Variants in BMAL2 observed in about 807,000 individuals in gnomAD.
The protein encoded by BMAL2 is basic helix-loop-helix ARNT like 2, also known as basic helix-loop-helix ARNT-like protein 2.
the BMAL2 span, chr12:27,390,013 T>C: frequency 5.3e-6 from 8 of 1,510,698 alleles, no homozygotes; most frequent in African/African-American, 1.1e-4. Flanking sequence ...TAATAGATGG[T>C]CAGAAAATGT....
chr12:27,417,553 A>C, the BMAL2 span, among the ~76,000 whole-genome samples: 1 of 152,168 alleles, frequency 6.6e-6, no homozygotes, highest in African/African-American at 2.4e-5. Flanking sequence ...TATGATGTGT[A>C]ATATAGCTGC....
the BMAL2 span, among the ~76,000 whole-genome samples, chr12:27,386,068 A>G: frequency 1.3e-5 from 2 of 151,932 alleles, no homozygotes; most frequent in Non-Finnish European, 2.9e-5. Context: ...TGTCTTGGTC[A>G]TGTGCTGTGT....
chr12:27,400,805 T>C, the BMAL2 span: 1 of 1,551,674 alleles, frequency 6.4e-7, no homozygotes, highest in South Asian at 1.2e-5. Flanking sequence ...ATGATTAGAA[T>C]TCAATGGGAT....
At chr12:27,409,133 T>C in the BMAL2 span, among the ~76,000 whole-genome samples, 2 of 152,036 alleles carry the variant, frequency 1.3e-5, no homozygotes, top group South Asian at 4.2e-4. Context: ...TGCTCATGGG[T>C]AGGAAGAATC....
chr12:27,341,292 A>G, the BMAL2 span, among the ~76,000 whole-genome samples: 13 of 152,282 alleles, frequency 8.5e-5, no homozygotes, highest in East Asian at 2.5e-3. Context: ...ATGTTCCTTT[A>G]ATACCTATTT....
At chr12:27,389,855 C>T in the BMAL2 span, 2 of 344,820 alleles carry the variant, frequency 5.8e-6, no homozygotes, top group Non-Finnish European at 1.0e-5. Flanking sequence ...TTGTTCTTCC[C>T]CATTTGAGGA....
chr12:27,343,065 G>C, the BMAL2 span, among the ~76,000 whole-genome samples: 1 of 152,108 alleles, frequency 6.6e-6, no homozygotes, highest in Non-Finnish European at 1.5e-5. Context: ...ATTTTCTTTC[G>C]CTGTTTCTCT....
the BMAL2 span, among the ~76,000 whole-genome samples, chr12:27,403,153 T>C: frequency 1.3e-5 from 2 of 152,200 alleles, no homozygotes. Context: ...GTATTATTTG[T>C]AAAAATAAAA....
chr12:27,408,439 A>G, the BMAL2 span, among the ~76,000 whole-genome samples: 3,822 of 152,292 alleles, frequency 0.025, 325 homozygotes, highest in East Asian at 0.29. Context: ...CTGGTTCAAC[A>G]TACGCAAATC....
chr12:27,414,403 C>T, the BMAL2 span, among the ~76,000 whole-genome samples: 2 of 152,076 alleles, frequency 1.3e-5, no homozygotes, highest in African/African-American at 4.8e-5. Context: ...ATATATTAGG[C>T]CACAAAACAA....
the BMAL2 span, among the ~76,000 whole-genome samples, chr12:27,398,490 C>T: frequency 6.6e-6 from 1 of 151,960 alleles, no homozygotes; most frequent in African/African-American, 2.4e-5. Flanking sequence ...TCCCATTTGC[C>T]CTGAGAATAC....
the BMAL2 span, among the ~76,000 whole-genome samples, chr12:27,338,782 G>A: frequency 6.6e-6 from 1 of 152,134 alleles, no homozygotes; most frequent in African/African-American, 2.4e-5. Flanking sequence ...GAACTTTTAA[G>A]TCACCTTGAA....
the BMAL2 span, chr12:27,418,259 T>C: frequency 9.1e-7 from 1 of 1,102,048 alleles, no homozygotes; most frequent in Admixed American, 2.0e-5. Flanking sequence ...TTAATCACTA[T>C]GTTTTCAGGC....
the BMAL2 span, among the ~76,000 whole-genome samples, chr12:27,357,900 G>A: frequency 0.043 from 6,510 of 152,058 alleles, 163 homozygotes; most frequent in Non-Finnish European, 0.061. Flanking sequence ...ACCTAAAACC[G>A]TAAAAATTCT....
At chr12:27,338,259 A>C in the BMAL2 span, among the ~76,000 whole-genome samples, 7 of 152,210 alleles carry the variant, frequency 4.6e-5, no homozygotes, top group Non-Finnish European at 1.0e-4. Flanking sequence ...AGAGCTTACA[A>C]AATCTATTAG....
At chr12:27,411,849 T>G in the BMAL2 span, among the ~76,000 whole-genome samples, 1 of 152,222 alleles carries the variant, frequency 6.6e-6, no homozygotes, top group Non-Finnish European at 1.5e-5. Flanking sequence ...TTAATTTTTA[T>G]ATACTCCAAT....
chr12:27,361,173 A>G, the BMAL2 span, among the ~76,000 whole-genome samples: 2 of 152,178 alleles, frequency 1.3e-5, no homozygotes, highest in African/African-American at 4.8e-5. Context: ...TCCAAATTTG[A>G]ACCCATTTGT....
chr12:27,348,408 G>T, the BMAL2 span, among the ~76,000 whole-genome samples: 3 of 152,104 alleles, frequency 2.0e-5, no homozygotes, highest in Non-Finnish European at 4.4e-5. Context: ...TGATAGGGTA[G>T]TAGCAAAATT....
the BMAL2 span, among the ~76,000 whole-genome samples, chr12:27,404,514 C>A: frequency 6.6e-6 from 1 of 152,016 alleles, no homozygotes; most frequent in South Asian, 2.1e-4. Context: ...ACTGTATAAC[C>A]ATTTGGGGAA....
Sources: gnomAD v4.1 joint callset for allele counts (sites outside exome capture counted in the v4.1 genomes callset) on GRCh38, gnomAD v4.1.1 for gene constraint, MANE v1.5 for transcripts, NCBI Gene and HGNC (gene_info 2026-07-23, HGNC 2026-07-21) for gene names.